The following CCDC178 variants were observed in gnomAD, a reference collection of about 807,000 sequenced individuals.
CCDC178 encodes the protein coiled-coil domain-containing protein 178.
In CCDC178, 126 loss-of-function variants were observed where a neutral mutation model predicts 117.4. The ratio of observed to expected loss-of-function variants is 1.07; its 90% CI spans 0.93 to 1.24. The LOEUF is 1.24. Among genes scored for constraint, CCDC178 ranks in the 50% most tolerant of loss-of-function variants. CCDC178 has a pLI of 0.00. For missense variants in CCDC178, 1,030 were observed against 986.9 expected (o/e 1.04, Z -0.59); for synonymous variants, 283 against 313.4 (o/e 0.90, Z 1.02).
At chr18:33,373,874 C>T (rs2063331914) in intron 5 of CCDC178, among the ~76,000 whole-genome samples, 1 of 152,122 alleles carries the variant, frequency 6.6e-6, no homozygotes, top group African/African-American at 2.4e-5. Context: ...TATCAACTAC[C>T]ATCCATGAAG....
intron 14 of CCDC178, among the ~76,000 whole-genome samples, chr18:33,258,692 A>C (rs531874299): frequency 4.5e-4 from 68 of 152,300 alleles, no homozygotes; most frequent in African/African-American, 1.5e-3. Context: ...ATACAAACAC[A>C]CTCACACACC....
At chr18:33,173,493 AG>A (rs1223878371) in intron 20 of CCDC178, among the ~76,000 whole-genome samples, 3 of 152,246 alleles carry the variant, frequency 2.0e-5, no homozygotes, top group African/African-American at 7.2e-5. Flanking sequence ...CTGGATAAAA[AG>A]AAAAGCTGCC....
At chr18:33,085,332 G>T (rs1489902278) in intron 21 of CCDC178, among the ~76,000 whole-genome samples, 2 of 152,208 alleles carry the variant, frequency 1.3e-5, no homozygotes, top group Non-Finnish European at 2.9e-5. Context: ...GGGAGGCCGA[G>T]GCGGGCGGAT....
intron 20 of CCDC178, among the ~76,000 whole-genome samples, chr18:33,183,942 G>A (rs543790173): frequency 6.6e-6 from 1 of 152,148 alleles, no homozygotes; most frequent in African/African-American, 2.4e-5. Flanking sequence ...TTTTATTAGA[G>A]TGATTCAGTT....
Position 33,226,731 on chromosome 18 carries a change from A to T in CCDC178, c.1656+62T>A, listed in dbSNP as rs1016815664. 14 of 1,245,772 alleles carry T rather than the reference A, an allele frequency of 1.1e-5. No homozygotes were observed. The African/African-American group carries it at 2.0e-4, about 18-fold the overall frequency. 77.2% of individuals were successfully genotyped at this position (1,245,772 alleles called of 1,614,324 possible). ...AAGATGCCTCATTACAGGCAAATTT[A>T]AAATGCTAAGTAAAATGCAAATTAA... On this transcript the variant is annotated intron_variant, in intron 16 of 22. Coordinates refer to ENST00000383096, the MANE Select transcript of CCDC178 (RefSeq NM_001105528.4).
chr18:33,039,468 C>CT, intron 21 of CCDC178, among the ~76,000 whole-genome samples: 1 of 152,022 alleles, frequency 6.6e-6, no homozygotes, highest in East Asian at 1.9e-4. Context: ...AGGTCTAGAG[C>CT]TCACATTGGA....
chr18:33,248,356 T>C (rs2059575404), intron 14 of CCDC178, among the ~76,000 whole-genome samples: 1 of 151,810 alleles, frequency 6.6e-6, no homozygotes, highest in Non-Finnish European at 1.5e-5. Context: ...ATGTGCCATG[T>C]TGGTGTGCTG....
chr18:33,161,720 C>T (rs920273967), intron 20 of CCDC178, among the ~76,000 whole-genome samples: 6 of 152,110 alleles, frequency 3.9e-5, no homozygotes, highest in Admixed American at 6.5e-5. Context: ...TTTCCAGCTT[C>T]ATCCATGTCC....
intron 2 of CCDC178, among the ~76,000 whole-genome samples, chr18:33,432,386 T>C (rs1446872431): frequency 1.3e-5 from 2 of 151,502 alleles, no homozygotes; most frequent in Non-Finnish European, 2.9e-5. Flanking sequence ...TTTAGCAGAG[T>C]TTTTCTAAGC....
chr18:33,074,825 A>G (rs1194978868), intron 21 of CCDC178, among the ~76,000 whole-genome samples: 1 of 152,250 alleles, frequency 6.6e-6, no homozygotes, highest in Non-Finnish European at 1.5e-5. Flanking sequence ...AAAACTGCAA[A>G]TGTAGACAAC....
intron 20 of CCDC178, among the ~76,000 whole-genome samples, chr18:33,205,177 G>A (rs2059033728): frequency 6.6e-6 from 1 of 151,900 alleles, no homozygotes; most frequent in Non-Finnish European, 1.5e-5. Flanking sequence ...GACAAAAGCA[G>A]AAAGCTATCA....
chr18:32,991,813 A>G (rs1232298799), intron 21 of CCDC178, among the ~76,000 whole-genome samples: 3 of 152,180 alleles, frequency 2.0e-5, no homozygotes, highest in Non-Finnish European at 2.9e-5. Context: ...GCTAGTCTAA[A>G]TAAAGAATTT....
At chr18:33,409,015 C>G (rs1334086330) in intron 3 of CCDC178, among the ~76,000 whole-genome samples, 1 of 152,132 alleles carries the variant, frequency 6.6e-6, no homozygotes, top group African/African-American at 2.4e-5. Context: ...TTTTACAGAA[C>G]AATTTGAAAA....
chr18:33,087,330 T>C (rs2057394317), intron 21 of CCDC178, among the ~76,000 whole-genome samples: 1 of 152,156 alleles, frequency 6.6e-6, no homozygotes, highest in Non-Finnish European at 1.5e-5. Flanking sequence ...CTCATGGAGT[T>C]TGGACAACAA....
intron 22 of CCDC178, among the ~76,000 whole-genome samples, chr18:32,966,573 A>G (rs1013562102): frequency 2.0e-5 from 3 of 151,848 alleles, no homozygotes; most frequent in Non-Finnish European, 4.4e-5. Context: ...ACTCAGTGGC[A>G]TAAGTTCCCT....
chr18:33,333,233 C>A lies in CCDC178; in HGVS notation c.820G>T (p.Asp274Tyr), dbSNP rs772689466. The A allele has an allele frequency of 1.9e-6, 3 of 1,612,702 alleles. No homozygotes were observed. Among genetic ancestry groups the A allele is most frequent in the Non-Finnish European group, 2.5e-6 (3 of 1,179,286 alleles). ...DYMNEHGPLL[D>Y]SKQNQELQDL... ...TGAAGTTCCTGATTCTGCTTAGAGT[C>A]CAGTAGAGGGCCATGTTCATTCATG... is the stretch of plus-strand genomic sequence containing the variant. Residue 274 changes from aspartate to tyrosine, a missense_variant, in exon 10 of 23, where the codon GAC (aspartate) becomes TAC (tyrosine). Coordinates refer to ENST00000383096, the MANE Select transcript of CCDC178 (RefSeq NM_001105528.4).
chr18:33,013,003 TA>T (rs2055903150), intron 21 of CCDC178, among the ~76,000 whole-genome samples: 8 of 152,184 alleles, frequency 5.3e-5, no homozygotes, highest in Admixed American at 5.2e-4. Flanking sequence ...AACTTGTTTA[TA>T]AGAGAATGGA....
At chr18:33,250,293 A>C (rs1469707207) in intron 14 of CCDC178, among the ~76,000 whole-genome samples, 2 of 151,766 alleles carry the variant, frequency 1.3e-5, no homozygotes, top group Non-Finnish European at 2.9e-5. Flanking sequence ...AAATATGTGT[A>C]ATGCTCAGGA....
chr18:33,038,753 A>G (rs1160073141), intron 21 of CCDC178, among the ~76,000 whole-genome samples: 2 of 152,038 alleles, frequency 1.3e-5, no homozygotes, highest in Non-Finnish European at 2.9e-5. Context: ...TATCACTGAC[A>G]TCATGAAATG....
Sources: gnomAD v4.1 joint callset for allele counts (sites outside exome capture counted in the v4.1 genomes callset) on GRCh38, gnomAD v4.1.1 for gene constraint, MANE v1.5 for transcripts, NCBI Gene and HGNC (gene_info 2026-07-23, HGNC 2026-07-21) for gene names.